Variants in ITGB6 observed in about 807,000 individuals in gnomAD.
ITGB6 encodes the protein integrin subunit beta 6, also known as integrin beta-6.
Under a neutral mutation model 84.5 loss-of-function variants are expected in ITGB6, and 80 were observed. That is an observed-to-expected ratio of 0.95 (90% CI 0.79 to 1.14). The LOEUF (loss-of-function observed/expected upper bound fraction) is 1.14, where lower values mean the gene tolerates loss of function less well. Ranked by LOEUF, ITGB6 falls within the 50% of genes most tolerant of loss-of-function variation. The probability of loss-of-function intolerance (pLI) is 0.00; values close to 1 mark genes in which losing one functional copy is unlikely to be tolerated. For missense variants in ITGB6, 1,006 were observed against 968.0 expected, an observed-to-expected ratio of 1.04 and a Z score of -0.52; for synonymous variants, 383 against 354.9, an observed-to-expected ratio of 1.08 and a Z score of -0.89.
chr2:160,133,442 T>A (rs747943450), intron 10 of ITGB6, among the ~76,000 whole-genome samples: 1 of 152,062 alleles, frequency 6.6e-6, no homozygotes, highest in Non-Finnish European at 1.5e-5. Context: ...AGACTTAGAC[T>A]CCCACACAAT....
chr2:160,139,681 G>A (rs953164691), intron 8 of ITGB6, among the ~76,000 whole-genome samples: 2 of 152,142 alleles, frequency 1.3e-5, no homozygotes, highest in Non-Finnish European at 2.9e-5. Context: ...ATTTTAGTGT[G>A]AATTTCCCAA....
At chr2:160,188,484 C>G (rs1193188128) in intron 4 of ITGB6, among the ~76,000 whole-genome samples, 2 of 152,132 alleles carry the variant, frequency 1.3e-5, no homozygotes, top group Non-Finnish European at 2.9e-5. Context: ...TTTGCACCCC[C>G]TGCAGTGCTC....
intron 14 of ITGB6, among the ~76,000 whole-genome samples, chr2:160,102,084 G>A (rs1016868141): frequency 3.3e-5 from 5 of 152,050 alleles, no homozygotes; most frequent in Non-Finnish European, 7.4e-5. Context: ...ACAAATTTAC[G>A]GATAGAAAAC....
At chr2:160,117,716 G>A (rs937197166) in intron 12 of ITGB6, among the ~76,000 whole-genome samples, 52 of 152,080 alleles carry the variant, frequency 3.4e-4, no homozygotes, top group African/African-American at 1.1e-3. Flanking sequence ...AAAAATTAAT[G>A]AATCCAGGAG....
intron 11 of ITGB6, among the ~76,000 whole-genome samples, chr2:160,124,575 C>A (rs1014056950): frequency 3.9e-5 from 6 of 152,074 alleles, no homozygotes; most frequent in African/African-American, 1.4e-4. Context: ...AAATTTAGAC[C>A]CTGAATTAAT....
chr2:160,199,709 A>C (rs1229248733), intron 1 of ITGB6, among the ~76,000 whole-genome samples: 1 of 152,232 alleles, frequency 6.6e-6, no homozygotes, highest in Non-Finnish European at 1.5e-5. Context: ...AATAAAATAG[A>C]AAAGTTTCAA....
At chr2:160,131,656 C>G (rs1683474943) in intron 10 of ITGB6, among the ~76,000 whole-genome samples, 1 of 152,156 alleles carries the variant, frequency 6.6e-6, no homozygotes, top group Admixed American at 6.6e-5. Context: ...AATTATAGAG[C>G]AACATCCTTT....
At chr2:160,174,332 C>T (rs553557554) in intron 4 of ITGB6, among the ~76,000 whole-genome samples, 193 bp from the exon 5 acceptor site, 9 of 152,170 alleles carry the variant, frequency 5.9e-5, no homozygotes, top group Non-Finnish European at 1.0e-4. Flanking sequence ...TGACCATATT[C>T]GCTGACACTT....
chr2:160,118,009 G>C (rs993037421), intron 12 of ITGB6, among the ~76,000 whole-genome samples: 2 of 152,138 alleles, frequency 1.3e-5, no homozygotes, highest in Non-Finnish European at 2.9e-5. Context: ...CTCTGAAATT[G>C]TGGCAATAAT....
intron 8 of ITGB6, among the ~76,000 whole-genome samples, chr2:160,139,871 G>A (rs907306303): frequency 1.3e-4 from 20 of 152,080 alleles, no homozygotes; most frequent in Admixed American, 2.6e-4. Flanking sequence ...TTATACGATC[G>A]GGGAAGAAAG....
intron 10 of ITGB6, among the ~76,000 whole-genome samples, chr2:160,127,184 A>G (rs1039973294): frequency 6.6e-6 from 1 of 152,170 alleles, no homozygotes; most frequent in Non-Finnish European, 1.5e-5. Flanking sequence ...TCTTGTGGGG[A>G]ATATCTACAT....
intron 7 of ITGB6, among the ~76,000 whole-genome samples, chr2:160,167,747 C>T (rs191149521): frequency 9.5e-4 from 144 of 152,188 alleles, no homozygotes; most frequent in African/African-American, 3.3e-3. Flanking sequence ...TTTGGGGAGA[C>T]GTATAAATGA....
chr2:160,185,868 G>A (rs1394903076), intron 4 of ITGB6, among the ~76,000 whole-genome samples: 3 of 152,112 alleles, frequency 2.0e-5, no homozygotes, highest in East Asian at 1.9e-4. Flanking sequence ...ACAAGCAATG[G>A]GGAAAGGATT....
intron 4 of ITGB6, among the ~76,000 whole-genome samples, chr2:160,190,033 A>G (rs1279796121): frequency 3.9e-5 from 6 of 152,134 alleles, no homozygotes; most frequent in South Asian, 2.1e-4. Context: ...CATAAAAAAT[A>G]ATGAGTTCAT....
At chr2:160,163,179 A>G (rs1684883304) in intron 7 of ITGB6, among the ~76,000 whole-genome samples, 1 of 152,152 alleles carries the variant, frequency 6.6e-6, no homozygotes, top group Non-Finnish European at 1.5e-5. Flanking sequence ...AAGTCTATGC[A>G]TCTTTAAATT....
intron 12 of ITGB6, among the ~76,000 whole-genome samples, chr2:160,120,282 G>A (rs1333030741): frequency 7.0e-6 from 1 of 142,652 alleles, no homozygotes; most frequent in Non-Finnish European, 1.5e-5. Context: ...GTCCAACAAT[G>A]ATAGACTGGA....
At chr2:160,159,763 T>A (rs1684752235) in intron 7 of ITGB6, among the ~76,000 whole-genome samples, 1 of 152,202 alleles carries the variant, frequency 6.6e-6, no homozygotes, top group Non-Finnish European at 1.5e-5. Flanking sequence ...AAAGGCACCT[T>A]CCATGAAAAT....
intron 7 of ITGB6, among the ~76,000 whole-genome samples, chr2:160,165,749 T>A (rs1684978567): frequency 6.6e-6 from 1 of 152,200 alleles, no homozygotes; most frequent in African/African-American, 2.4e-5. Context: ...TTTTATGGCC[T>A]GCTAGAAGGC....
At chr2:160,123,933 A>G in intron 11 of ITGB6, 45 bp from the exon 12 acceptor site, 1 of 1,394,972 alleles carries the variant, frequency 7.2e-7, no homozygotes, top group Non-Finnish European at 1.0e-6. Flanking sequence ...CTGGTGGAAA[A>G]TAGATTTGCA....
Sources: allele counts gnomAD v4.1 joint callset (sites outside exome capture counted in the v4.1 genomes callset), GRCh38; gene constraint gnomAD v4.1.1; transcripts MANE v1.5; gene names NCBI Gene and HGNC (gene_info 2026-07-23, HGNC 2026-07-21).